The following NUMB variants were observed in gnomAD, a reference collection of about 807,000 sequenced individuals.
NUMB encodes the protein protein numb homolog.
In NUMB, 29 loss-of-function variants were observed where a neutral mutation model predicts 59.7. The observed-to-expected ratio is 0.49, with a 90% CI of 0.36 to 0.66. NUMB has a LOEUF of 0.66. Among genes scored for constraint, NUMB ranks in the 30% least tolerant of loss-of-function variants. The probability of loss-of-function intolerance (pLI) is 0.00; values close to 1 mark genes in which losing one functional copy is unlikely to be tolerated. For synonymous variants in NUMB, 288 were observed against 288.2 expected, an observed-to-expected ratio of 1.00 and a Z score of 0.01; for missense variants, 723 against 822.0, an observed-to-expected ratio of 0.88 and a Z score of 1.47.
intron 1 of NUMB, among the ~76,000 whole-genome samples, chr14:73,414,397 A>T (rs1249883492): frequency 3.9e-5 from 6 of 152,094 alleles, no homozygotes; most frequent in African/African-American, 1.4e-4. Flanking sequence ...ATAATGTTGC[A>T]GGGGTGTTTG....
At chr14:73,295,992 T>C (rs1397653973) in intron 7 of NUMB, among the ~76,000 whole-genome samples, 1 of 152,182 alleles carries the variant, frequency 6.6e-6, no homozygotes, top group Non-Finnish European at 1.5e-5. Context: ...GGTTAATTAG[T>C]TCAAATATCA....
intron 1 of NUMB, among the ~76,000 whole-genome samples, chr14:73,445,333 T>G (rs1448954877): frequency 9.1e-6 from 1 of 110,338 alleles, no homozygotes. Context: ...GCAGCCTGAG[T>G]GACAAAGTGA....
chr14:73,401,458 TAAAC>T (rs1387634561), intron 2 of NUMB, among the ~76,000 whole-genome samples: 1 of 149,724 alleles, frequency 6.7e-6, no homozygotes, highest in Non-Finnish European at 1.5e-5. Flanking sequence ...TAACTGGCTA[TAAAC>T]AAACAAAACA....
chr14:73,415,008 C>T (rs1176291287), intron 1 of NUMB, among the ~76,000 whole-genome samples: 3 of 152,180 alleles, frequency 2.0e-5, no homozygotes, highest in Non-Finnish European at 2.9e-5. Context: ...TGCGCTACCA[C>T]GCCCAGCTGA....
chr14:73,395,047 G>A lies in NUMB; in HGVS notation c.-101+14890C>T, dbSNP rs865990851. 6.5e-3 allele frequency among the ~76,000 whole-genome samples: 778 copies of A among 119,532 alleles called. 14 individuals are homozygous for A. The highest frequency in any genetic ancestry group is 0.047 in the Middle Eastern group (12 of 258). The allele number at this position is 119,532 out of a possible 152,430, so 78.4% of individuals were successfully genotyped here. On this transcript the variant is annotated intron_variant, in intron 2 of 12. Transcript: ENST00000555238. ...ATAGTATTCGTGTGTTTGTGTGTGTGTGTGTGTGTGTGTGTGTGTGTGTGT... is the reference window on the plus strand; with the variant it reads ...ATAGTATTCGTGTGTTTGTGTGTGTATGTGTGTGTGTGTGTGTGTGTGTGT...
chr14:73,420,438 A>G (rs1411056264), intron 1 of NUMB, among the ~76,000 whole-genome samples: 3 of 152,150 alleles, frequency 2.0e-5, no homozygotes, highest in African/African-American at 7.2e-5. Flanking sequence ...GTGACTATTG[A>G]TTCACATTTT....
intron 4 of NUMB, among the ~76,000 whole-genome samples, chr14:73,352,285 A>G (rs1293356100): frequency 6.6e-6 from 1 of 150,644 alleles, no homozygotes; most frequent in Non-Finnish European, 1.5e-5. Context: ...TTCCCACTCA[A>G]TCTTCAAATA....
intron 1 of NUMB, among the ~76,000 whole-genome samples, chr14:73,443,776 G>C (rs946803415): frequency 6.6e-6 from 1 of 151,858 alleles, no homozygotes; most frequent in Admixed American, 6.6e-5. Flanking sequence ...ACAGCCTCCC[G>C]AGTGGCTGGG....
intron 1 of NUMB, among the ~76,000 whole-genome samples, chr14:73,452,177 T>C (rs778149096): frequency 6.6e-6 from 1 of 152,010 alleles, no homozygotes; most frequent in Non-Finnish European, 1.5e-5. Flanking sequence ...CTGACCAAAA[T>C]GGTGAAACCT....
intron 4 of NUMB, among the ~76,000 whole-genome samples, chr14:73,336,950 G>A (rs1783251197): frequency 6.6e-6 from 1 of 151,928 alleles, no homozygotes; most frequent in Non-Finnish European, 1.5e-5. Context: ...TAATCATCTC[G>A]GCTAGGCATG....
chr14:73,351,848 C>T (rs565553891), intron 4 of NUMB, among the ~76,000 whole-genome samples: 25 of 151,346 alleles, frequency 1.7e-4, no homozygotes, highest in Middle Eastern at 3.4e-3. Context: ...TGGTGGCAGG[C>T]GCCTGTAGAC....
intron 1 of NUMB, 67 bp downstream of exon 1, chr14:73,458,413 CCTCCGCCTCCGGA>C (rs1044803454): frequency 3.3e-5 from 5 of 152,952 alleles, no homozygotes; most frequent in African/African-American, 1.2e-4. Context: ...CTTCCTCCGG[CCTCCGCCTCCGGA>C]GTGCTGAGCT....
chr14:73,289,005 G>A (rs1889209391), intron 8 of NUMB, among the ~76,000 whole-genome samples: 1 of 152,154 alleles, frequency 6.6e-6, no homozygotes, highest in Non-Finnish European at 1.5e-5. Context: ...CAGCCTGGGT[G>A]ACATAATGAG....
intron 1 of NUMB, among the ~76,000 whole-genome samples, chr14:73,423,966 C>CAAAAAA (rs34582645): frequency 1.3e-5 from 1 of 74,306 alleles, no homozygotes; most frequent in African/African-American, 4.7e-5. Flanking sequence ...ACCCTGTCTC[C>CAAAAAA]AAAAAAAAAA....
intron 6 of NUMB, among the ~76,000 whole-genome samples, chr14:73,313,189 CCT>C (rs1192791900): frequency 6.6e-6 from 1 of 151,974 alleles, no homozygotes; most frequent in African/African-American, 2.4e-5. Context: ...GGGATTTCAC[CCT>C]GTTGGTCAGG....
chr14:73,318,342 T>G (rs1241900800), intron 5 of NUMB, among the ~76,000 whole-genome samples: 1 of 152,222 alleles, frequency 6.6e-6, no homozygotes, highest in Non-Finnish European at 1.5e-5. Context: ...TATTAAAGAA[T>G]AATAATGTTC....
chr14:73,294,950 TAAAAA>T (rs61179657), intron 7 of NUMB, among the ~76,000 whole-genome samples: 5 of 24,376 alleles, frequency 2.1e-4, no homozygotes, highest in East Asian at 3.0e-3. Flanking sequence ...AACCCATCTC[TAAAAA>T]AAAAAAAAAA....
chr14:73,364,087 T>C (rs1894222040), intron 3 of NUMB, among the ~76,000 whole-genome samples: 1 of 152,226 alleles, frequency 6.6e-6, no homozygotes, highest in South Asian at 2.1e-4. Flanking sequence ...GAAAACTATG[T>C]GATCATCTTG....
intron 4 of NUMB, among the ~76,000 whole-genome samples, chr14:73,341,707 G>A (rs1354165080): frequency 6.6e-6 from 1 of 152,064 alleles, no homozygotes; most frequent in Non-Finnish European, 1.5e-5. Flanking sequence ...AGGTTACCAT[G>A]CCTGTTGTTT....
Sources: gnomAD v4.1 joint callset for allele counts (sites outside exome capture counted in the v4.1 genomes callset) on GRCh38, gnomAD v4.1.1 for gene constraint, MANE v1.5 for transcripts, NCBI Gene and HGNC (gene_info 2026-07-23, HGNC 2026-07-21) for gene names.